The following DNAJC10 variants were observed in gnomAD, a reference collection of about 807,000 sequenced individuals.
The protein encoded by DNAJC10 is DnaJ heat shock protein family (Hsp40) member C10, also known as endoplasmic reticulum disulfide reductase DNAJC10.
DNAJC10 carries 101 observed loss-of-function variants against 115.0 expected under a neutral mutation model. The ratio of observed to expected loss-of-function variants is 0.88; its 90% CI spans 0.75 to 1.04. DNAJC10 has a LOEUF of 1.04. Ranked by LOEUF, DNAJC10 falls within the 50% of genes least tolerant of loss-of-function variation. The pLI, the probability that DNAJC10 is intolerant of heterozygous loss-of-function variation, is 0.00. For missense variants in DNAJC10, 981 were observed against 928.8 expected (o/e 1.06, Z -0.73); for synonymous variants, 307 against 301.5 (o/e 1.02, Z -0.19).
At chr2:182,751,492 C>T (rs1327918964) in intron 14 of DNAJC10, among the ~76,000 whole-genome samples, 166 bp from the exon 15 acceptor site, 1 of 152,068 alleles carries the variant, frequency 6.6e-6, no homozygotes, top group Non-Finnish European at 1.5e-5. Context: ...AAGGGTGCTC[C>T]TATCAGAGCT....
intron 5 of DNAJC10, among the ~76,000 whole-genome samples, chr2:182,725,379 G>C (rs896369347): frequency 6.6e-6 from 1 of 152,092 alleles, no homozygotes; most frequent in African/African-American, 2.4e-5. Flanking sequence ...GCTTAGTGAG[G>C]GAGGCATATC....
intron 23 of DNAJC10, 62 bp from the exon 24 acceptor site, chr2:182,777,059 A>G (rs1574963347): frequency 8.8e-7 from 1 of 1,138,694 alleles, no homozygotes; most frequent in East Asian, 2.6e-5. Flanking sequence ...ATTTCACCTT[A>G]TTTTTAACAT....
At position 182,784,085 on chromosome 2, in the gene DNAJC10, T is replaced by C. The variant is rs1694903356; in HGVS notation, c.*6953T>C. 6.6e-6 allele frequency: 1 copy of C among 152,158 alleles called. No homozygotes were observed. The highest frequency in any genetic ancestry group is 1.5e-5 in the Non-Finnish European group (1 of 68,034). The allele number at this position is 152,158 out of a possible 1,614,324, so 9.4% of individuals were successfully genotyped here. On this transcript the variant is annotated 3_prime_UTR_variant, in exon 24 of 24. Transcript: ENST00000264065. ...GCTCACGCCCATAATCCCAGCACTT[T>C]GGGAGGCCAAGTGGAAGGATCACTT...
intron 14 of DNAJC10, among the ~76,000 whole-genome samples, chr2:182,750,680 C>G (rs896622096): frequency 1.1e-4 from 17 of 152,184 alleles, no homozygotes; most frequent in African/African-American, 3.6e-4. Context: ...TAGGCTACAT[C>G]TGTACAATGT....
chr2:182,751,900 A>G lies in DNAJC10; in HGVS notation c.1434+115A>G, dbSNP rs1416434743. On this transcript the variant is annotated intron_variant, in intron 15 of 23. Transcript: ENST00000264065. ...AGTACAAAAACTGTGTCATTCCATT[A>G]TGGCCACTAATGCATATTGCTTTTA... The G allele has an allele frequency of 3.0e-6, 4 of 1,332,740 alleles. No individual in the cohort carries two copies. In the Admixed American group the frequency reaches 6.0e-5, roughly 20 times the overall value. 82.6% of individuals were successfully genotyped at this position (1,332,740 alleles called of 1,614,324 possible). A position where few individuals can be genotyped will look rare whatever the true frequency, so the allele number is the denominator to read the frequency against.
rs1297981329 is a variant in DNAJC10 at position 182,778,811 on chromosome 2, G to A, written c.*1679G>A. 1.3e-5 allele frequency: 2 copies of A among 152,168 alleles called. No individual in the cohort carries two copies. Among genetic ancestry groups the A allele is most frequent in the African/African-American group, 2.4e-5 (1 of 41,436 alleles). 9.4% of individuals were successfully genotyped at this position (152,168 alleles called of 1,614,324 possible). ...TCATTCTCGAATGTTTAAAGCCTAG[G>A]AGTTCTACAAAATTGGCTTCTTTCT... On this transcript the variant is annotated 3_prime_UTR_variant, in exon 24 of 24. Transcript: ENST00000264065.
At position 182,782,541 on chromosome 2, in the gene DNAJC10, C is replaced by A. The variant is rs1353775099; in HGVS notation, c.*5409C>A. 1 of 152,134 alleles carries A rather than the reference C, an allele frequency of 6.6e-6. No homozygotes were observed. Among genetic ancestry groups the A allele is most frequent in the Non-Finnish European group, 1.5e-5 (1 of 68,014 alleles). 9.4% of individuals were successfully genotyped at this position (152,134 alleles called of 1,614,324 possible). ...GACTATTTCACAATATTAATTCTTCCTATCCATGAGCATGGAATGCTTTTT... is the reference window on the plus strand; with the variant it reads ...GACTATTTCACAATATTAATTCTTCATATCCATGAGCATGGAATGCTTTTT... On this transcript the variant is annotated 3_prime_UTR_variant, in exon 24 of 24. Coordinates refer to ENST00000264065, the MANE Select transcript of DNAJC10 (RefSeq NM_018981.4).
intron 15 of DNAJC10, 135 bp downstream of exon 15, chr2:182,751,920 C>A: frequency 7.9e-7 from 1 of 1,258,656 alleles, no homozygotes; most frequent in Non-Finnish European, 1.1e-6. Context: ...ATGCATATTG[C>A]TTTTAAATGA....
chr2:182,721,870 C>CT (rs1198856443), intron 4 of DNAJC10, among the ~76,000 whole-genome samples, 155 bp from the exon 5 acceptor site: 1 of 151,686 alleles, frequency 6.6e-6, no homozygotes, highest in African/African-American at 2.4e-5. Context: ...GTATTATTTA[C>CT]TTTTTTTTCA....
chr2:182,739,686 G>A (rs538252640), intron 11 of DNAJC10: 53 of 1,032,650 alleles, frequency 5.1e-5, no homozygotes, highest in East Asian at 2.9e-4. Flanking sequence ...GACTCGGGCC[G>A]AAAACAAGTT....
At chr2:182,739,905 G>A in intron 11 of DNAJC10, 1 of 986,856 alleles carries the variant, frequency 1.0e-6, no homozygotes, top group South Asian at 4.6e-5. Context: ...TTAAGTGAAT[G>A]TGTAAAACAT....
intron 5 of DNAJC10, among the ~76,000 whole-genome samples, chr2:182,725,151 T>A (rs1693251176): frequency 6.6e-6 from 1 of 152,202 alleles, no homozygotes; most frequent in African/African-American, 2.4e-5. Context: ...TTGTAATCAT[T>A]TTGGAGTGTG....
intron 21 of DNAJC10, among the ~76,000 whole-genome samples, chr2:182,762,003 C>T (rs1022820964): frequency 6.6e-5 from 10 of 151,932 alleles, no homozygotes; most frequent in African/African-American, 1.9e-4. Context: ...ACATCAGTTG[C>T]GCAATAAGAA....
intron 18 of DNAJC10, 85 bp from the exon 19 acceptor site, chr2:182,757,607 G>T: frequency 9.3e-7 from 1 of 1,075,542 alleles, no homozygotes. Context: ...TATAATAACT[G>T]TTTCACCATA....
intron 7 of DNAJC10, among the ~76,000 whole-genome samples, chr2:182,729,448 A>T (rs75711775): frequency 6.6e-6 from 1 of 151,778 alleles, no homozygotes; most frequent in South Asian, 2.1e-4. Flanking sequence ...AGTGCCTGGC[A>T]AAAAAAACAC....
intron 5 of DNAJC10, among the ~76,000 whole-genome samples, chr2:182,723,657 A>G (rs1445396960): frequency 6.6e-6 from 1 of 152,158 alleles, no homozygotes; most frequent in Non-Finnish European, 1.5e-5. Flanking sequence ...TGTTTTGTGT[A>G]CCAATGGTTC....
In DNAJC10 at chr2:182,752,108, C is replaced by T. The variant is rs750420814; in HGVS notation, c.1471C>T (p.Arg491Ter). 9.9e-6 allele frequency: 16 copies of T among 1,612,480 alleles called. No individual in the cohort carries two copies. Among genetic ancestry groups the T allele is most frequent in the African/African-American group, 1.3e-5 (1 of 74,752 alleles). ...PPCRALLPEL[R>*]RASNLLYGQL... Reference sequence around the variant, plus strand: ...ATGTCGAGCTTTACTACCAGAGTTACGAAGAGCATCAAATCTTCTTTATGG... The same window carrying T: ...ATGTCGAGCTTTACTACCAGAGTTATGAAGAGCATCAAATCTTCTTTATGG... Residue 491 changes from arginine to a stop codon, truncating the protein, a stop_gained, in exon 16 of 24, where the codon CGA becomes TGA. Transcript: ENST00000264065. LOFTEE classifies it high-confidence loss of function.
chr2:182,754,774 TGGC>T (rs1361356345), intron 16 of DNAJC10: 1 of 1,256,398 alleles, frequency 8.0e-7, no homozygotes, highest in Admixed American at 3.6e-5. Flanking sequence ...ATGGTTCTCA[TGGC>T]GAATGGAGCA....
Position 182,789,880 on chromosome 2 carries a change from C to T in DNAJC10, c.*12748C>T, listed in dbSNP as rs190365048. On this transcript the variant is annotated 3_prime_UTR_variant, in exon 24 of 24. Transcript: ENST00000264065. ...ATCCCAATGAGTGTGCGTTCATATC[C>T]CATTGGAGTTTTGATTTGTACTTTT... is the stretch of plus-strand genomic sequence containing the variant. 2 of 152,186 alleles carry T rather than the reference C, an allele frequency of 1.3e-5. No individual in the cohort carries two copies. Among genetic ancestry groups the T allele is most frequent in the Admixed American group, 6.5e-5 (1 of 15,286 alleles). 9.4% of individuals were successfully genotyped at this position (152,186 alleles called of 1,614,324 possible).
Sources: gnomAD v4.1 joint callset for allele counts (sites outside exome capture counted in the v4.1 genomes callset) on GRCh38, gnomAD v4.1.1 for gene constraint, MANE v1.5 for transcripts, NCBI Gene and HGNC (gene_info 2026-07-23, HGNC 2026-07-21) for gene names.